SLC29A4: variants seen among roughly 807,000 people sequenced by gnomAD.
SLC29A4 encodes equilibrative nucleoside transporter 4.
Under a neutral mutation model 43.9 loss-of-function variants are expected in SLC29A4, and 36 were observed. The ratio of observed to expected loss-of-function variants is 0.82; its 90% CI spans 0.63 to 1.08. The LOEUF is 1.08. Ranked by LOEUF, SLC29A4 falls within the 50% of genes least tolerant of loss-of-function variation. The probability of loss-of-function intolerance (pLI) is 0.00; values close to 1 mark genes in which losing one functional copy is unlikely to be tolerated. For synonymous variants in SLC29A4, 491 were observed against 338.0 expected (o/e 1.45, Z -4.97); for missense variants, 869 against 755.3 (o/e 1.15, Z -1.77).
rs1208915896 is a variant in SLC29A4, at chr7:5,291,128, C to T, written c.306C>T (p.Thr102=). ...GCTGTCTCTGGCCCTCTGCAGGGAC[C>T]TCCATCGTGTTTGACATGAGCCTCA... The part of the protein sequence containing the change: ...VDYLHHKYPG[T]SIVFDMSLTY... The change falls in exon 4 of 11, where the codon ACC becomes ACT. Residue 102 remains threonine (T), a synonymous_variant. Transcript: ENST00000396872. The T allele has an allele frequency of 7.4e-6, 12 of 1,613,652 alleles. No homozygotes were observed. The highest frequency in any genetic ancestry group is 1.0e-5 in the Non-Finnish European group (12 of 1,179,990).
chr7:5,292,215 A>G (rs1232745567), intron 5 of SLC29A4, among the ~76,000 whole-genome samples: 2 of 152,062 alleles, frequency 1.3e-5, no homozygotes, highest in African/African-American at 2.4e-5. Flanking sequence ...GACTCAAGCC[A>G]TCCTCCCACC....
chr7:5,297,757 C>A (rs1225024094), intron 7 of SLC29A4, among the ~76,000 whole-genome samples: 8 of 152,158 alleles, frequency 5.3e-5, no homozygotes, highest in Non-Finnish European at 7.4e-5. Flanking sequence ...AGTCGCCAGC[C>A]AGGAAAGGGA....
intron 1 of SLC29A4, among the ~76,000 whole-genome samples, chr7:5,287,110 G>C (rs1785003130): frequency 6.6e-6 from 1 of 152,188 alleles, no homozygotes; most frequent in Admixed American, 6.6e-5. Context: ...CAGTGAGGAT[G>C]AGCACCTTGA....
At position 5,291,763 on chromosome 7, in the gene SLC29A4, G is replaced by T. The variant is rs141605536; in HGVS notation, c.486G>T (p.Arg162=). 26 of 1,611,842 alleles carry T rather than the reference G, an allele frequency of 1.6e-5. No individual in the cohort carries two copies. In the African/African-American group the frequency reaches 3.1e-4, roughly 19 times the overall value. ...ACGTGTGGCTGCAGCTCTTCTCTCG[G>T]GACCAGGCCTACGCCATCAACCTGG... ...ICDVWLQLFS[R]DQAYAINLAA... The change falls in exon 5 of 11, where the codon CGG becomes CGT. Residue 162 remains arginine (R), a synonymous_variant. Transcript: ENST00000396872.
rs762652072 is a variant in SLC29A4, at chr7:5,299,072, A to G, written c.967A>G (p.Met323Val). The G allele has an allele frequency of 1.3e-5, 21 of 1,610,770 alleles. No individual in the cohort carries two copies. The highest frequency in any genetic ancestry group is 6.7e-5 in the Admixed American group (4 of 59,934). Residue 323 changes from methionine (M) to valine (V), a missense_variant, in exon 8 of 11, where the codon ATG becomes GTG. Coordinates refer to ENST00000396872, the MANE Select transcript of SLC29A4 (RefSeq NM_153247.4). Reference sequence around the variant, plus strand: ...GGTGACCGGCAGCGGCGGGGCCTACATGCGCTTTGATGTGCCGCGGCCAAG... The same window carrying G: ...GGTGACCGGCAGCGGCGGGGCCTACGTGCGCTTTGATGTGCCGCGGCCAAG... Reference protein sequence around the residue: ...HEVTGSGGAYMRFDVPRPRVQ... With the variant: ...HEVTGSGGAYVRFDVPRPRVQ...
rs1045800078 is a variant in SLC29A4, at chr7:5,306,777, C to G, written c.*3838C>G. The G allele has an allele frequency of 1.3e-5, 2 of 152,090 alleles. No homozygotes were observed. The highest frequency in any genetic ancestry group is 2.9e-5 in the Non-Finnish European group (2 of 67,992). The allele number at this position is 152,090 out of a possible 1,614,324, so 9.4% of individuals were successfully genotyped here. A position where few individuals can be genotyped will look rare whatever the true frequency, so the allele number is the denominator to read the frequency against. ...CCCCTACTCCAGCCCCTGAAATAAACCACTCCAGACAATTTTATTTTTCCA... is the reference window on the plus strand; with the variant it reads ...CCCCTACTCCAGCCCCTGAAATAAAGCACTCCAGACAATTTTATTTTTCCA... On this transcript the variant is annotated 3_prime_UTR_variant, in exon 11 of 11. Coordinates refer to ENST00000396872, the MANE Select transcript of SLC29A4 (RefSeq NM_153247.4).
At chr7:5,295,370 C>T (rs1349633461) in intron 6 of SLC29A4, among the ~76,000 whole-genome samples, 1 of 152,180 alleles carries the variant, frequency 6.6e-6, no homozygotes, top group Non-Finnish European at 1.5e-5. Flanking sequence ...GGTCAGCACC[C>T]CATGTGGGTG....
At chr7:5,294,533 C>A (rs957174401) in intron 5 of SLC29A4, among the ~76,000 whole-genome samples, 5 of 152,148 alleles carry the variant, frequency 3.3e-5, no homozygotes, top group Non-Finnish European at 4.4e-5. Context: ...ACAGTCCTCT[C>A]CCCACCCCGT....
At chr7:5,288,190 G>T (rs1583650658) in intron 2 of SLC29A4, among the ~76,000 whole-genome samples, 1 of 152,308 alleles carries the variant, frequency 6.6e-6, no homozygotes, top group South Asian at 2.1e-4. Flanking sequence ...GTCCCTGCTG[G>T]GGGCCCTGCC....
intron 2 of SLC29A4, 109 bp downstream of exon 2, chr7:5,288,094 C>T (rs1285171090): frequency 2.2e-6 from 3 of 1,374,658 alleles, no homozygotes; most frequent in Admixed American, 5.6e-5. Flanking sequence ...TCATGGAGGA[C>T]TGGAGGCAGT....
chr7:5,300,998 C>T lies in SLC29A4; in HGVS notation c.1450+336C>T, dbSNP rs569798811. 3.3e-5 allele frequency among the ~76,000 whole-genome samples: 5 copies of T among 152,278 alleles called. No homozygotes were observed. In the East Asian group the frequency reaches 5.8e-4, roughly 18 times the overall value. Reference sequence around the variant, plus strand: ...CCCAGGCCGGGCACAGTGGCTCGTACCTGCAATCCCAGCACTTTGGAAGGG... The same window carrying T: ...CCCAGGCCGGGCACAGTGGCTCGTATCTGCAATCCCAGCACTTTGGAAGGG... On this transcript the variant is annotated intron_variant, in intron 10 of 10. Transcript: ENST00000396872.
intron 7 of SLC29A4, among the ~76,000 whole-genome samples, chr7:5,297,669 C>T (rs1785808162): frequency 6.6e-6 from 1 of 152,194 alleles, no homozygotes; most frequent in Non-Finnish European, 1.5e-5. Flanking sequence ...GTCGGGACGC[C>T]AGGAGGGAAG....
In SLC29A4 at chr7:5,291,506, C is replaced by A. The variant is rs564890292; in HGVS notation, c.416-187C>A. Among the ~76,000 whole-genome samples, 18 of 152,356 alleles carry A rather than the reference C, an allele frequency of 1.2e-4. No individual in the cohort carries two copies. The East Asian group carries it at 1.9e-3, about 16-fold the overall frequency. ...CACGGCAACATCCAGCTTCAAGGCC[C>A]GGCTCAAATGGTGCCTCCTACAGGA... On this transcript the variant is annotated intron_variant, in intron 4 of 10. Coordinates refer to ENST00000396872, the MANE Select transcript of SLC29A4 (RefSeq NM_153247.4).
At chr7:5,283,931 C>A (rs945851384) in intron 1 of SLC29A4, among the ~76,000 whole-genome samples, 1 of 152,046 alleles carries the variant, frequency 6.6e-6, no homozygotes, top group Non-Finnish European at 1.5e-5. Flanking sequence ...TCCCGACGCC[C>A]AGCGCTTCCA....
intron 4 of SLC29A4, 40 bp downstream of exon 4, chr7:5,291,277 C>T (rs1785293821): frequency 6.4e-7 from 1 of 1,568,938 alleles, no homozygotes. Context: ...CCTGTCATGG[C>T]TTCCACCTGC....
chr7:5,289,897 A>AT (rs1562443345), intron 2 of SLC29A4, among the ~76,000 whole-genome samples: 1 of 151,740 alleles, frequency 6.6e-6, no homozygotes, highest in Non-Finnish European at 1.5e-5. Context: ...TTTATTTTTT[A>AT]TTTTTTTGAA....
At chr7:5,300,712 G>A in intron 10 of SLC29A4, 50 bp downstream of exon 10, 1 of 1,583,778 alleles carries the variant, frequency 6.3e-7, no homozygotes, top group Non-Finnish European at 8.5e-7. Flanking sequence ...GCAGCGCAAT[G>A]CCCCCCTCGC....
In SLC29A4 at chr7:5,301,121, G is replaced by A. The variant is rs114152362; in HGVS notation, c.1450+459G>A. On this transcript the variant is annotated intron_variant, in intron 10 of 10. Transcript: ENST00000396872. Reference sequence around the variant, plus strand: ...TACAAAAATGTTTAAAAAATTAGCTGGGTATGGTAGCGTGCGCCTATGGTC... The same window carrying A: ...TACAAAAATGTTTAAAAAATTAGCTAGGTATGGTAGCGTGCGCCTATGGTC... Among the ~76,000 whole-genome samples the A allele has an allele frequency of 2.7e-3, 406 of 152,218 alleles. 1 individual carries two copies. Among genetic ancestry groups the A allele is most frequent in the African/African-American group, 9.5e-3 (396 of 41,534 alleles).
intron 4 of SLC29A4, 137 bp from the exon 5 acceptor site, chr7:5,291,556 C>T: frequency 8.2e-7 from 1 of 1,222,550 alleles, no homozygotes; most frequent in Non-Finnish European, 1.1e-6. Flanking sequence ...CCCTGTTAGA[C>T]TCGTAAAGCA....
Sources: gnomAD v4.1 joint callset for allele counts (sites outside exome capture counted in the v4.1 genomes callset) on GRCh38, gnomAD v4.1.1 for gene constraint, MANE v1.5 for transcripts, NCBI Gene and HGNC (gene_info 2026-07-23, HGNC 2026-07-21) for gene names.